Variants in PLXDC2 observed in about 807,000 individuals in gnomAD.
PLXDC2 encodes plexin domain containing 2.
In PLXDC2, 40 loss-of-function variants were observed where a neutral mutation model predicts 68.9. The ratio of observed to expected loss-of-function variants is 0.58; its 90% CI spans 0.45 to 0.76. The LOEUF is 0.76. Among genes scored for constraint, PLXDC2 ranks in the 30% least tolerant of loss-of-function variants. The pLI, the probability that PLXDC2 is intolerant of heterozygous loss-of-function variation, is 0.00. For synonymous variants in PLXDC2, 243 were observed against 234.2 expected (o/e 1.04, Z -0.34); for missense variants, 644 against 661.9 (o/e 0.97, Z 0.30).
At chr10:20,098,090 G>A (rs963342393) in intron 4 of PLXDC2, among the ~76,000 whole-genome samples, 33 of 151,890 alleles carry the variant, frequency 2.2e-4, no homozygotes, top group African/African-American at 8.0e-4. Context: ...GGGGCGGTAC[G>A]GCTGCTGTAA....
chr10:20,048,850 T>C (rs781546101), intron 3 of PLXDC2, among the ~76,000 whole-genome samples: 1 of 152,088 alleles, frequency 6.6e-6, no homozygotes, highest in Admixed American at 6.6e-5. Context: ...AGCTCTCTGA[T>C]TGTGTCATGA....
At chr10:19,830,167 A>G (rs1346107074) in intron 1 of PLXDC2, among the ~76,000 whole-genome samples, 2 of 152,232 alleles carry the variant, frequency 1.3e-5, no homozygotes, top group Admixed American at 1.3e-4. Context: ...CACCTATCTC[A>G]AGGCAAAGGA....
intron 1 of PLXDC2, among the ~76,000 whole-genome samples, chr10:19,985,765 A>C (rs1327165913): frequency 6.6e-6 from 1 of 152,262 alleles, no homozygotes; most frequent in Non-Finnish European, 1.5e-5. Flanking sequence ...AGTCAATAAT[A>C]GCGGAGGTGA....
intron 2 of PLXDC2, among the ~76,000 whole-genome samples, chr10:20,026,494 A>G (rs1037061641): frequency 5.3e-5 from 8 of 152,188 alleles, no homozygotes; most frequent in Non-Finnish European, 1.0e-4. Flanking sequence ...GTATCTTTTC[A>G]GGAAAGTGGT....
chr10:20,210,403 A>G (rs1216756757), intron 9 of PLXDC2, among the ~76,000 whole-genome samples: 3 of 152,160 alleles, frequency 2.0e-5, no homozygotes, highest in Admixed American at 1.3e-4. Flanking sequence ...AAAAGGAGCG[A>G]CTATGGTAGC....
chr10:19,847,899 T>C (rs1196346592), intron 1 of PLXDC2, among the ~76,000 whole-genome samples: 2 of 152,172 alleles, frequency 1.3e-5, no homozygotes, highest in African/African-American at 4.8e-5. Flanking sequence ...ATCCACAGTG[T>C]TTAACTCCTA....
chr10:19,985,342 A>G lies in PLXDC2; in HGVS notation c.113-16433A>G, dbSNP rs530730106. On this transcript the variant is annotated intron_variant, in intron 1 of 13. Coordinates refer to ENST00000377252, the MANE Select transcript of PLXDC2 (RefSeq NM_032812.9). ...GAGGAAAATGGGGATAGAACAAATC[A>G]GGTTATTTTTGCTCTTCCATGCCAC... is the stretch of plus-strand genomic sequence containing the variant. Among the ~76,000 whole-genome samples, 4 of 152,336 alleles carry G rather than the reference A, an allele frequency of 2.6e-5. No individual in the cohort carries two copies. The East Asian group carries it at 5.8e-4, about 22-fold the overall frequency.
At chr10:19,839,248 G>A (rs1211564936) in intron 1 of PLXDC2, among the ~76,000 whole-genome samples, 1 of 151,904 alleles carries the variant, frequency 6.6e-6, no homozygotes, top group Non-Finnish European at 1.5e-5. Context: ...ACAGAGAAAG[G>A]TCTAGAAAGC....
intron 1 of PLXDC2, among the ~76,000 whole-genome samples, chr10:19,994,168 C>T (rs1247539341): frequency 2.0e-5 from 3 of 150,398 alleles, no homozygotes; most frequent in South Asian, 2.1e-4. Context: ...TGTAGCTAAA[C>T]ATTACCCAAC....
At chr10:20,195,783 G>A (rs566499639) in intron 9 of PLXDC2, among the ~76,000 whole-genome samples, 54 of 152,204 alleles carry the variant, frequency 3.5e-4, no homozygotes, top group African/African-American at 1.3e-3. Flanking sequence ...ACAGAGATGA[G>A]TTGATTCATT....
In PLXDC2 at chr10:20,279,481, T is replaced by A. The variant is rs185113046; in HGVS notation, c.1474-222T>A. On this transcript the variant is annotated intron_variant, in intron 13 of 13. Transcript: ENST00000377252. ...CTTTGAGGGCAGGTGTGACAAATGG[T>A]CTTTCCTGTGACAGGGGTAGATAGC... Among the ~76,000 whole-genome samples the A allele has an allele frequency of 2.2e-4, 34 of 152,236 alleles. No homozygotes were observed. The East Asian group carries it at 6.6e-3, about 29-fold the overall frequency.
chr10:20,154,772 C>T (rs1461112652), intron 6 of PLXDC2, among the ~76,000 whole-genome samples: 2 of 151,886 alleles, frequency 1.3e-5, no homozygotes, highest in African/African-American at 4.8e-5. Flanking sequence ...TTTGTGTCAA[C>T]TGCAAACTCG....
At chr10:20,107,809 TA>T (rs11363438) in intron 4 of PLXDC2, among the ~76,000 whole-genome samples, 1,904 of 152,276 alleles carry the variant, frequency 0.013, 32 homozygotes, top group African/African-American at 0.04. Flanking sequence ...TCAAAACATT[TA>T]ACTCCTAGGC....
intron 4 of PLXDC2, among the ~76,000 whole-genome samples, chr10:20,107,184 G>A (rs1007852525): frequency 6.6e-6 from 1 of 151,304 alleles, no homozygotes; most frequent in Non-Finnish European, 1.5e-5. Flanking sequence ...ACTGTATCCT[G>A]CATACTGTAT....
chr10:19,830,407 T>C (rs564728131), intron 1 of PLXDC2, among the ~76,000 whole-genome samples: 32 of 152,230 alleles, frequency 2.1e-4, no homozygotes, highest in Non-Finnish European at 2.9e-4. Flanking sequence ...GTTTCTCTTA[T>C]ACTCAGAGCA....
At chr10:20,081,569 C>T (rs10827958) in intron 4 of PLXDC2, among the ~76,000 whole-genome samples, 31,400 of 152,072 alleles carry the variant, frequency 0.21, 3,932 homozygotes, top group African/African-American at 0.35. Context: ...CTTTCCAAAA[C>T]TGACAGATGT....
chr10:20,105,950 A>G (rs990592973), intron 4 of PLXDC2, among the ~76,000 whole-genome samples: 1 of 152,246 alleles, frequency 6.6e-6, no homozygotes, highest in Non-Finnish European at 1.5e-5. Flanking sequence ...TATTTAAATT[A>G]GTGTTGGCCT....
chr10:20,266,260 A>G (rs1835870744), intron 13 of PLXDC2, among the ~76,000 whole-genome samples: 1 of 152,056 alleles, frequency 6.6e-6, no homozygotes, highest in African/African-American at 2.4e-5. Flanking sequence ...CAGGTGGATT[A>G]AAAACCATTG....
In PLXDC2 at chr10:20,194,447, A is replaced by G. The variant is rs190005493; in HGVS notation, c.1061+17038A>G. ...AATGTTTTTTGGTCAAAATAAATTA[A>G]TGAAATTGAACAATGGCTATTTTCA... On this transcript the variant is annotated intron_variant, in intron 9 of 13. Transcript: ENST00000377252. 4.1e-3 allele frequency among the ~76,000 whole-genome samples: 627 copies of G among 152,184 alleles called. 12 individuals are homozygous for G. Among genetic ancestry groups the G allele is most frequent in the Non-Finnish European group, 1.2e-3 (79 of 67,992 alleles).
Sources: allele counts gnomAD v4.1 joint callset (sites outside exome capture counted in the v4.1 genomes callset), GRCh38; gene constraint gnomAD v4.1.1; transcripts MANE v1.5; gene names NCBI Gene and HGNC (gene_info 2026-07-23, HGNC 2026-07-21).